Variants in EXT1 observed in about 807,000 individuals in gnomAD.
EXT1 encodes exostosin glycosyltransferase 1.
EXT1 carries 20 observed loss-of-function variants against 82.5 expected under a neutral mutation model. That is an observed-to-expected ratio of 0.24 (90% CI 0.17 to 0.35). The LOEUF (loss-of-function observed/expected upper bound fraction) is 0.35. Among genes scored for constraint, EXT1 ranks in the 10% least tolerant of loss-of-function variants. The pLI is 1.00. For synonymous variants in EXT1, 348 were observed against 350.8 expected (o/e 0.99, Z 0.09); for missense variants, 757 against 936.5 (o/e 0.81, Z 2.50).
intron 1 of EXT1, among the ~76,000 whole-genome samples, chr8:117,971,364 TA>T (rs551300441): frequency 2.6e-4 from 39 of 152,130 alleles, no homozygotes; most frequent in Non-Finnish European, 5.3e-4. Flanking sequence ...GGCCAAGCCA[TA>T]AAACACAGCC....
In EXT1 at chr8:117,864,391, GGAA is replaced by G. The variant is rs1319998852; in HGVS notation, c.963-27193_963-27191del. On this transcript the variant is annotated intron_variant, in intron 1 of 10. Coordinates refer to ENST00000378204, the MANE Select transcript of EXT1 (RefSeq NM_000127.3). Reference sequence around the variant, plus strand: ...TCTTTTGGCTTTCCTGGGCCAGGATGGAAGAAGAATTGTCTTGGGCCACACATA... The same window carrying G: ...TCTTTTGGCTTTCCTGGGCCAGGATGGAAGAATTGTCTTGGGCCACACATA... Among the ~76,000 whole-genome samples, 9 of 152,220 alleles carry G rather than the reference GGAA, an allele frequency of 5.9e-5. No homozygotes were observed. The South Asian group carries it at 1.0e-3, about 18-fold the overall frequency.
rs568851869 is a variant in EXT1 at position 118,039,515 on chromosome 8, G to A, written c.962+70570C>T. ...GCGGAGGCTGCAGTGAGCCGAGATG[G>A]CGCCACTTCACTCCAGCCTGGACAA... is the stretch of plus-strand genomic sequence containing the variant. On this transcript the variant is annotated intron_variant, in intron 1 of 10. Transcript: ENST00000378204. 2.5e-4 allele frequency among the ~76,000 whole-genome samples: 36 copies of A among 141,954 alleles called. No individual in the cohort carries two copies. In the South Asian group the frequency reaches 7.6e-3, roughly 30 times the overall value. The allele number at this position is 141,954 out of a possible 152,430, so 93.1% of individuals were successfully genotyped here.
chr8:118,084,975 A>G (rs1250534594), intron 1 of EXT1, among the ~76,000 whole-genome samples: 1 of 152,230 alleles, frequency 6.6e-6, no homozygotes, highest in African/African-American at 2.4e-5. Context: ...AGTGCCTTAC[A>G]CAATCCATAT....
intron 1 of EXT1, among the ~76,000 whole-genome samples, chr8:118,052,739 C>T (rs1280795017): frequency 6.6e-6 from 1 of 152,192 alleles, no homozygotes; most frequent in Non-Finnish European, 1.5e-5. Flanking sequence ...TTCATTAGAT[C>T]AGGTGAGTAA....
chr8:118,083,064 C>T (rs1434264467), intron 1 of EXT1, among the ~76,000 whole-genome samples: 1 of 152,106 alleles, frequency 6.6e-6, no homozygotes, highest in Non-Finnish European at 1.5e-5. Context: ...ATTGACAAGA[C>T]CAATTGACAG....
chr8:117,873,548 C>T (rs769487135), intron 1 of EXT1, among the ~76,000 whole-genome samples: 16 of 150,252 alleles, frequency 1.1e-4, no homozygotes, highest in African/African-American at 2.0e-4. Flanking sequence ...CTCTGCCTCC[C>T]GGGTTCAAGT....
chr8:118,028,935 T>A (rs1048527118), intron 1 of EXT1, among the ~76,000 whole-genome samples: 73 of 151,840 alleles, frequency 4.8e-4, no homozygotes, highest in Non-Finnish European at 6.8e-4. Flanking sequence ...AGAAAAAAAA[T>A]AAATAAATTA....
At chr8:117,973,845 GGAAA>G (rs1815001354) in intron 1 of EXT1, among the ~76,000 whole-genome samples, 1 of 129,284 alleles carries the variant, frequency 7.7e-6, no homozygotes, top group Non-Finnish European at 1.6e-5. Flanking sequence ...GGAAAGGAAA[GGAAA>G]GGAAAGGAAA....
chr8:118,015,025 C>T (rs79880797), intron 1 of EXT1, among the ~76,000 whole-genome samples: 54 of 152,198 alleles, frequency 3.5e-4, no homozygotes, highest in Non-Finnish European at 6.2e-4. Flanking sequence ...CATAAAACCC[C>T]ATTCAATTAT....
At chr8:117,912,764 G>A (rs1315530170) in intron 1 of EXT1, among the ~76,000 whole-genome samples, 1 of 152,134 alleles carries the variant, frequency 6.6e-6, no homozygotes, top group African/African-American at 2.4e-5. Context: ...AAAGTCAAGA[G>A]CAATCTGAAG....
intron 1 of EXT1, among the ~76,000 whole-genome samples, chr8:117,969,998 A>G (rs1455210034): frequency 6.6e-6 from 1 of 152,192 alleles, no homozygotes; most frequent in African/African-American, 2.4e-5. Flanking sequence ...TGTCTGCTCT[A>G]CCACAAAAAA....
intron 1 of EXT1, among the ~76,000 whole-genome samples, chr8:117,949,941 G>A (rs1323283440): frequency 6.6e-6 from 1 of 152,116 alleles, no homozygotes; most frequent in African/African-American, 2.4e-5. Flanking sequence ...TACTAACAAG[G>A]AGGCCAGATG....
chr8:117,844,510 T>A (rs73320135), intron 1 of EXT1, among the ~76,000 whole-genome samples: 2,845 of 152,224 alleles, frequency 0.019, 94 homozygotes, highest in African/African-American at 0.066. Context: ...CGTACGGAAT[T>A]GCCCAAGGCA....
intron 1 of EXT1, among the ~76,000 whole-genome samples, chr8:118,032,117 CCATTACT>C (rs1816333829): frequency 7.2e-6 from 1 of 139,438 alleles, no homozygotes; most frequent in African/African-American, 2.6e-5. Flanking sequence ...GCGGTTTTGG[CCATTACT>C]CAATGGCCAA....
chr8:118,027,960 C>T (rs1444224683), intron 1 of EXT1, among the ~76,000 whole-genome samples: 1 of 152,174 alleles, frequency 6.6e-6, no homozygotes, highest in Non-Finnish European at 1.5e-5. Context: ...CTTGACCTTA[C>T]TTTCCCATTA....
At chr8:117,901,825 G>A (rs1012951312) in intron 1 of EXT1, among the ~76,000 whole-genome samples, 2 of 151,782 alleles carry the variant, frequency 1.3e-5, no homozygotes, top group South Asian at 4.2e-4. Context: ...GCCTCCCAGG[G>A]AGCTTGGACT....
chr8:117,945,012 A>C (rs1214018954), intron 1 of EXT1, among the ~76,000 whole-genome samples: 1 of 152,026 alleles, frequency 6.6e-6, no homozygotes, highest in Non-Finnish European at 1.5e-5. Context: ...AATACAAAAA[A>C]TTAGCCGGGC....
chr8:117,914,923 A>G (rs560159480), intron 1 of EXT1, among the ~76,000 whole-genome samples: 44 of 152,204 alleles, frequency 2.9e-4, no homozygotes, highest in South Asian at 2.3e-3. Flanking sequence ...TGTGATCTTT[A>G]TTAGATCCTT....
chr8:117,807,901 A>T (rs1823262453), intron 8 of EXT1, among the ~76,000 whole-genome samples: 1 of 152,242 alleles, frequency 6.6e-6, no homozygotes, highest in Non-Finnish European at 1.5e-5. Context: ...ACAGGAATAC[A>T]GAGCAGGTAT....
Sources: allele counts gnomAD v4.1 joint callset (sites outside exome capture counted in the v4.1 genomes callset), GRCh38; gene constraint gnomAD v4.1.1; transcripts MANE v1.5; gene names NCBI Gene and HGNC (gene_info 2026-07-23, HGNC 2026-07-21).